Variants in ABCD2 observed in about 807,000 individuals in gnomAD.
ABCD2 encodes ATP binding cassette subfamily D member 2.
ABCD2 carries 36 observed loss-of-function variants against 70.9 expected under a neutral mutation model. The ratio of observed to expected loss-of-function variants is 0.51; its 90% CI spans 0.39 to 0.67. ABCD2 has a LOEUF of 0.67. ABCD2 is among the 30% of genes least tolerant of loss of function. The pLI is 0.00. For synonymous variants in ABCD2, 304 were observed against 306.9 expected (o/e 0.99, Z 0.10); for missense variants, 729 against 890.2 (o/e 0.82, Z 2.30).
At chr12:39,566,905 G>A (rs1189043934) in intron 9 of ABCD2, among the ~76,000 whole-genome samples, 1 of 152,176 alleles carries the variant, frequency 6.6e-6, no homozygotes, top group Non-Finnish European at 1.5e-5. Flanking sequence ...AGTCACTCAG[G>A]AGCAGGTTGT....
At chr12:39,559,378 C>CAAAAAA (rs199560381) in intron 9 of ABCD2, among the ~76,000 whole-genome samples, 8 of 60,388 alleles carry the variant, frequency 1.3e-4, no homozygotes, top group African/African-American at 2.7e-4. Context: ...ACTCCAGCTC[C>CAAAAAA]AAAAAAAAAA....
At chr12:39,535,849 A>C in the ABCD2 span, among the ~76,000 whole-genome samples, 1 of 152,250 alleles carries the variant, frequency 6.6e-6, no homozygotes, top group South Asian at 2.1e-4. Flanking sequence ...AATTTAAACA[A>C]TAAAGAAATG....
At chr12:39,608,366 T>A (rs552464700) in intron 2 of ABCD2, among the ~76,000 whole-genome samples, 2 of 152,198 alleles carry the variant, frequency 1.3e-5, no homozygotes, top group Admixed American at 6.5e-5. Flanking sequence ...CCACTTGGAC[T>A]CCCTGCCCTT....
chr12:39,592,073 G>T (rs1941754027), intron 6 of ABCD2, among the ~76,000 whole-genome samples: 1 of 152,064 alleles, frequency 6.6e-6, no homozygotes, highest in Non-Finnish European at 1.5e-5. Flanking sequence ...TAAAAAAACT[G>T]AACTGTACCA....
intron 3 of ABCD2, 137 bp downstream of exon 3, chr12:39,607,462 T>G (rs1941983917): frequency 3.1e-6 from 2 of 644,130 alleles, no homozygotes; most frequent in Non-Finnish European, 5.4e-6. Flanking sequence ...TTGCTGCCCT[T>G]AATCTTGATT....
chr12:39,568,823 G>A (rs1350401001), intron 9 of ABCD2, among the ~76,000 whole-genome samples: 2 of 152,138 alleles, frequency 1.3e-5, no homozygotes, highest in Non-Finnish European at 2.9e-5. Flanking sequence ...TGTCCTTTCT[G>A]TTTGTTAGTT....
At chr12:39,611,878 A>C (rs1760793106) in intron 2 of ABCD2, among the ~76,000 whole-genome samples, 1 of 152,126 alleles carries the variant, frequency 6.6e-6, no homozygotes, top group Non-Finnish European at 1.5e-5. Context: ...ATAATACATA[A>C]AAGCTTTTAC....
At chr12:39,601,399 A>G (rs1420425542) in intron 5 of ABCD2, among the ~76,000 whole-genome samples, 2 of 151,326 alleles carry the variant, frequency 1.3e-5, no homozygotes, top group Non-Finnish European at 1.5e-5. Context: ...ATATATATAT[A>G]TAATATTCAT....
At chr12:39,607,483 A>AT in intron 3 of ABCD2, 116 bp downstream of exon 3, 1 of 782,454 alleles carries the variant, frequency 1.3e-6, no homozygotes, top group Non-Finnish European at 2.1e-6. Flanking sequence ...ATACGCAGCA[A>AT]TTTTTGGCAG....
Position 39,579,614 on chromosome 12 carries a change from C to T in ABCD2, c.1798G>A (p.Asp600Asn). 1.2e-6 allele frequency: 2 copies of T among 1,604,824 alleles called. No individual in the cohort carries two copies. The highest frequency in any genetic ancestry group is 8.5e-7 in the Non-Finnish European group (1 of 1,174,632). Reference sequence around the variant, plus strand: ...ACATCTTTCCAGTCCATAACAGCATCCCATCCTTAAGAAAATAAAAAAATA... The same window carrying T: ...ACATCTTTCCAGTCCATAACAGCATTCCATCCTTAAGAAAATAAAAAAATA... Reference protein sequence around the residue: ...YHIVQREGGWDAVMDWKDVLS... With the variant: ...YHIVQREGGWNAVMDWKDVLS... Residue 600 changes from aspartate to asparagine, a missense_variant, in exon 8 of 10, where the codon GAT becomes AAT. Physicochemically the swap from Asp to Asn is conservative, Grantham distance 23 (BLOSUM62 1). This residue lies in a region of ABCD2 where 289 missense variants were observed against 328.8 expected (regional missense o/e 0.88). Transcript: ENST00000308666.
rs143197357 is a variant in ABCD2 at position 39,579,593 on chromosome 12, C to G, written c.1819G>C (p.Asp607His). 10 of 1,612,554 alleles carry G rather than the reference C, an allele frequency of 6.2e-6. No individual in the cohort carries two copies. The highest frequency in any genetic ancestry group is 7.6e-6 in the Non-Finnish European group (9 of 1,179,046). Residue 607 changes from aspartate (D) to histidine (H), a missense_variant, in exon 8 of 10, where the codon GAT becomes CAT. By Grantham distance (81) the Asp-to-His change is moderately conservative. Coordinates refer to ENST00000308666, the MANE Select transcript of ABCD2 (RefSeq NM_005164.4). ...TGCTTTTCCCCTCCTGACAGGACAT[C>G]TTTCCAGTCCATAACAGCATCCCAT... ...GGWDAVMDWK[D>H]VLSGGEKQRM...
chr12:39,557,212 C>A (rs1941181453), intron 9 of ABCD2, among the ~76,000 whole-genome samples: 2 of 152,122 alleles, frequency 1.3e-5, no homozygotes, highest in African/African-American at 2.4e-5. Flanking sequence ...GGAACTAGAG[C>A]AAAGCTGACT....
At chr12:39,544,375 TC>T in the ABCD2 span, among the ~76,000 whole-genome samples, 15 of 152,132 alleles carry the variant, frequency 9.9e-5, no homozygotes, top group Non-Finnish European at 1.9e-4. Context: ...GCTACATGAC[TC>T]GTAAACCATA....
Position 39,604,747 on chromosome 12 carries a change from A to C in ABCD2, c.1405+15T>G. ...CTTAAATATAGGAAAATATAAAAGC[A>C]CTTGAGTTTAATACCTTTAATTGCC... On this transcript the variant is annotated intron_variant, in intron 4 of 9. Coordinates refer to ENST00000308666, the MANE Select transcript of ABCD2 (RefSeq NM_005164.4). 1 of 1,542,356 alleles carries C rather than the reference A, an allele frequency of 6.5e-7. No homozygotes were observed. The highest frequency in any genetic ancestry group is 8.7e-7 in the Non-Finnish European group (1 of 1,149,338).
intron 6 of ABCD2, among the ~76,000 whole-genome samples, chr12:39,596,570 G>T (rs1941818574): frequency 1.3e-5 from 2 of 151,270 alleles, no homozygotes; most frequent in Non-Finnish European, 2.9e-5. Flanking sequence ...TGAACCTTTT[G>T]TTTCTCAGAC....
intron 6 of ABCD2, among the ~76,000 whole-genome samples, chr12:39,589,803 A>G (rs1314893961): frequency 6.6e-6 from 1 of 152,154 alleles, no homozygotes; most frequent in East Asian, 1.9e-4. Context: ...AAGCTTATAT[A>G]TTTATTGAGG....
Position 39,550,309 on chromosome 12 carries a change from C to T in ABCD2, c.*3603G>A, listed in dbSNP as rs1262014064. The T allele has an allele frequency of 6.6e-6, 1 of 151,446 alleles. No homozygotes were observed. Among genetic ancestry groups the T allele is most frequent in the African/African-American group, 2.4e-5 (1 of 41,272 alleles). 9.4% of individuals were successfully genotyped at this position (151,446 alleles called of 1,614,324 possible). On this transcript the variant is annotated 3_prime_UTR_variant, in exon 10 of 10. Transcript: ENST00000308666. Reference sequence around the variant, plus strand: ...TTCCTTTGATTAATCTAGTCTTTTTCTTAATGGTTAAGGAATTCATAAGGA... The same window carrying T: ...TTCCTTTGATTAATCTAGTCTTTTTTTTAATGGTTAAGGAATTCATAAGGA...
chr12:39,605,077 A>G (rs1157323241), intron 3 of ABCD2, 147 bp from the exon 4 acceptor site: 1 of 502,922 alleles, frequency 2.0e-6, no homozygotes, highest in Non-Finnish European at 3.2e-6. Flanking sequence ...TGAAAACTAA[A>G]ACACATGACA....
the ABCD2 span, among the ~76,000 whole-genome samples, chr12:39,534,639 C>T: frequency 7.3e-6 from 1 of 137,860 alleles, no homozygotes; most frequent in Non-Finnish European, 1.5e-5. Flanking sequence ...CAGGGAGACC[C>T]AGAAAGAAAG....
Sources: allele counts gnomAD v4.1 joint callset (sites outside exome capture counted in the v4.1 genomes callset), GRCh38; gene constraint gnomAD v4.1.1; regional missense constraint gnomAD v4.1.1; transcripts MANE v1.5; gene names NCBI Gene and HGNC (gene_info 2026-07-23, HGNC 2026-07-21).